EYS: variants seen among roughly 807,000 people sequenced by gnomAD.
EYS encodes the protein EGF-like photoreceptor maintenance factor.
Under a neutral mutation model 282.1 loss-of-function variants are expected in EYS, and 250 were observed. The observed-to-expected ratio is 0.89, with a 90% CI of 0.80 to 0.98. The LOEUF is 0.98. EYS is among the 50% of genes least tolerant of loss of function. The pLI is 0.00. For synonymous variants in EYS, 1,355 were observed against 1,282.9 expected, an observed-to-expected ratio of 1.06 and a Z score of -1.20; for missense variants, 4,016 against 3,709.0, an observed-to-expected ratio of 1.08 and a Z score of -2.15.
chr6:64,701,194 A>C (rs1455792514), intron 22 of EYS, among the ~76,000 whole-genome samples: 5 of 152,096 alleles, frequency 3.3e-5, no homozygotes, highest in African/African-American at 9.6e-5. Context: ...CTGGATCCTT[A>C]TCTCTCATTA....
intron 12 of EYS, among the ~76,000 whole-genome samples, chr6:65,258,817 G>T (rs901658877): frequency 1.3e-5 from 2 of 151,976 alleles, no homozygotes; most frequent in Admixed American, 6.6e-5. Flanking sequence ...AAAATTTTCT[G>T]GTTTTTGACC....
chr6:63,954,190 C>T (rs564568585), intron 35 of EYS, among the ~76,000 whole-genome samples: 199 of 152,194 alleles, frequency 1.3e-3, no homozygotes, highest in African/African-American at 4.4e-3. Context: ...TCCATTTCCC[C>T]ATATTTCCTT....
chr6:65,330,656 T>A (rs1305841248), intron 11 of EYS: 2 of 934,746 alleles, frequency 2.1e-6, no homozygotes, highest in Non-Finnish European at 2.6e-6. Context: ...ATTAACTTTG[T>A]GTCCGTTAAC....
At chr6:64,179,050 C>T (rs550244612) in intron 31 of EYS, among the ~76,000 whole-genome samples, 15 of 151,964 alleles carry the variant, frequency 9.9e-5, no homozygotes, top group Non-Finnish European at 1.2e-4. Flanking sequence ...CCAAAGCCTC[C>T]GGAACACTAT....
chr6:64,670,328 G>A (rs1416716560), intron 22 of EYS, among the ~76,000 whole-genome samples: 1 of 151,662 alleles, frequency 6.6e-6, no homozygotes, highest in African/African-American at 2.4e-5. Context: ...TATTTCAACA[G>A]CCTTGAACGA....
intron 12 of EYS, among the ~76,000 whole-genome samples, chr6:65,114,113 A>G (rs2150190916): frequency 6.6e-6 from 1 of 152,120 alleles, no homozygotes; most frequent in East Asian, 1.9e-4. Context: ...TACAAATAAA[A>G]CATTCAGAAA....
intron 31 of EYS, among the ~76,000 whole-genome samples, chr6:64,181,213 A>G (rs997608784): frequency 6.6e-6 from 1 of 152,186 alleles, no homozygotes; most frequent in Non-Finnish European, 1.5e-5. Flanking sequence ...ACTCTATGAT[A>G]CAGACAACAT....
chr6:64,572,155 A>G (rs970871878), intron 26 of EYS, among the ~76,000 whole-genome samples: 2 of 152,200 alleles, frequency 1.3e-5, no homozygotes, highest in Non-Finnish European at 2.9e-5. Context: ...CATCACATAA[A>G]CAGAACCAAT....
At chr6:64,101,628 T>C (rs1252384013) in intron 31 of EYS, among the ~76,000 whole-genome samples, 1 of 151,598 alleles carries the variant, frequency 6.6e-6, no homozygotes, top group East Asian at 1.9e-4. Context: ...TGTAGAGTAA[T>C]AGTCTAATAG....
At chr6:63,795,074 G>GA (rs1022486493) in intron 37 of EYS, among the ~76,000 whole-genome samples, 2 of 151,946 alleles carry the variant, frequency 1.3e-5, no homozygotes, top group East Asian at 1.9e-4. Context: ...GAATGCACAG[G>GA]AAAAAAAACT....
intron 35 of EYS, among the ~76,000 whole-genome samples, chr6:63,925,643 TTTTG>T (rs1441474095): frequency 3.3e-5 from 5 of 152,270 alleles, no homozygotes; most frequent in African/African-American, 1.2e-4. Context: ...CATCTAGGTT[TTTTG>T]TTTGTTTGTT....
At chr6:65,615,800 G>T (rs775720123) in intron 2 of EYS, among the ~76,000 whole-genome samples, 1 of 151,934 alleles carries the variant, frequency 6.6e-6, no homozygotes, top group South Asian at 2.1e-4. Context: ...CGGTCGTGGT[G>T]GCGGGCGCCT....
intron 12 of EYS, among the ~76,000 whole-genome samples, chr6:65,192,727 A>C (rs531678485): frequency 1.3e-5 from 2 of 151,778 alleles, no homozygotes; most frequent in South Asian, 2.1e-4. Flanking sequence ...TTAAAATCTC[A>C]AGAGAGACTG....
Position 65,296,117 on chromosome 6 carries a change from C to T in EYS, c.1769G>A (p.Cys590Tyr), listed in dbSNP as rs1168406563. The T allele has an allele frequency of 3.2e-6, 5 of 1,542,396 alleles. No individual in the cohort carries two copies. In the South Asian group the frequency reaches 6.1e-5, roughly 19 times the overall value. Reference protein sequence around the residue: ...VCKDEINRPRCSCSLSYIGRL... With the variant: ...VCKDEINRPRYSCSLSYIGRL... ...GCCAATGTAACTAAGAGAACAGCTG[C>T]ATCTGAAACACAGAGAAATGAAAAA... Residue 590 changes from cysteine to tyrosine, a missense_variant and splice_region_variant, in exon 12 of 43, where the codon TGC becomes TAC. Coordinates refer to ENST00000503581, the MANE Select transcript of EYS (RefSeq NM_001142800.2).
intron 22 of EYS, among the ~76,000 whole-genome samples, chr6:64,676,021 G>T (rs994234071): frequency 6.9e-6 from 1 of 145,388 alleles, no homozygotes; most frequent in East Asian, 2.0e-4. Flanking sequence ...GATATATATC[G>T]ATAGATATAT....
chr6:64,055,035 C>A (rs1770933849), intron 33 of EYS, among the ~76,000 whole-genome samples: 2 of 152,274 alleles, frequency 1.3e-5, no homozygotes, highest in Non-Finnish European at 2.9e-5. Flanking sequence ...GGAAACAGAT[C>A]TGCTTACTGT....
chr6:64,151,801 T>C (rs1423235533), intron 31 of EYS, among the ~76,000 whole-genome samples: 1 of 152,200 alleles, frequency 6.6e-6, no homozygotes, highest in Non-Finnish European at 1.5e-5. Context: ...TGGAGAAGAA[T>C]GAGGACTCAG....
intron 29 of EYS, among the ~76,000 whole-genome samples, chr6:64,327,103 C>T (rs1415861278): frequency 1.3e-5 from 2 of 151,884 alleles, no homozygotes; most frequent in South Asian, 2.1e-4. Context: ...CATCATGGGG[C>T]GTGATGTGGG....
intron 15 of EYS, among the ~76,000 whole-genome samples, chr6:64,912,965 A>T (rs1460609146): frequency 6.6e-6 from 1 of 152,130 alleles, no homozygotes; most frequent in Non-Finnish European, 1.5e-5. Context: ...AAGATTTTAA[A>T]AGCATTAACA....
Sources: gnomAD v4.1 joint callset for allele counts (sites outside exome capture counted in the v4.1 genomes callset) on GRCh38, gnomAD v4.1.1 for gene constraint, MANE v1.5 for transcripts, NCBI Gene and HGNC (gene_info 2026-07-23, HGNC 2026-07-21) for gene names.